FRMPD4: variants seen among roughly 807,000 people sequenced by gnomAD.
FRMPD4 encodes the protein FERM and PDZ domain-containing protein 4.
FRMPD4 carries 22 observed loss-of-function variants against 94.1 expected under a neutral mutation model. The ratio of observed to expected loss-of-function variants is 0.23; its 90% CI spans 0.17 to 0.33. The LOEUF is 0.33. Ranked by LOEUF, FRMPD4 falls within the 10% of genes least tolerant of loss-of-function variation. The probability of loss-of-function intolerance (pLI) is 1.00; values close to 1 mark genes in which losing one functional copy is unlikely to be tolerated. For synonymous variants in FRMPD4, 631 were observed against 548.6 expected, an observed-to-expected ratio of 1.15 and a Z score of -2.10; for missense variants, 1,111 against 1,339.9, an observed-to-expected ratio of 0.83 and a Z score of 2.67.
intron 1 of FRMPD4, among the ~76,000 whole-genome samples, chrX:12,313,383 C>A (rs1425716689): frequency 8.9e-6 from 1 of 112,558 alleles, no homozygotes; most frequent in Non-Finnish European, 1.9e-5. Context: ...CAGATCTAGC[C>A]CACTACCTGT....
intron 2 of FRMPD4, among the ~76,000 whole-genome samples, chrX:12,535,179 T>A (rs1048695989): frequency 1.8e-5 from 2 of 111,961 alleles, no homozygotes; most frequent in African/African-American, 6.5e-5. Flanking sequence ...TCTGCTGCCA[T>A]GTCTCTTGTC....
chrX:11,889,541 C>T (rs1276260084), intron 3 of FRMPD4, among the ~76,000 whole-genome samples: 2 of 112,416 alleles, frequency 1.8e-5, no homozygotes, highest in Non-Finnish European at 3.8e-5. Context: ...AGTGTTGTGG[C>T]TTTAAAAATT....
chrX:11,953,800 G>C (rs1351753369), intron 3 of FRMPD4, among the ~76,000 whole-genome samples: 2 of 111,938 alleles, frequency 1.8e-5, no homozygotes, highest in African/African-American at 6.5e-5. Flanking sequence ...CTATTGGCAG[G>C]CATTTTATCC....
intron 3 of FRMPD4, among the ~76,000 whole-genome samples, chrX:12,064,302 G>A (rs182482688): frequency 8.9e-6 from 1 of 112,207 alleles, no homozygotes; most frequent in African/African-American, 3.2e-5. Context: ...TTTCTTCAAC[G>A]TTCCAGGACA....
At chrX:12,011,727 T>G (rs1323284083) in intron 3 of FRMPD4, among the ~76,000 whole-genome samples, 1 of 111,447 alleles carries the variant, frequency 9.0e-6, no homozygotes, top group South Asian at 3.8e-4. Flanking sequence ...TTTTAGGTGG[T>G]TATGAAGGCA....
intron 3 of FRMPD4, among the ~76,000 whole-genome samples, chrX:11,929,614 G>T (rs1601844107): frequency 8.9e-6 from 1 of 112,533 alleles, no homozygotes; most frequent in Middle Eastern, 4.6e-3. Flanking sequence ...GACTGGTTCA[G>T]TGAGTATTTA....
At chrX:12,024,908 C>T (rs1200370704) in intron 3 of FRMPD4, among the ~76,000 whole-genome samples, 1 of 111,352 alleles carries the variant, frequency 9.0e-6, no homozygotes, top group African/African-American at 3.3e-5. Flanking sequence ...ATGAATATTC[C>T]GCAATTTATT....
At chrX:11,976,428 C>G (rs1484201910) in intron 3 of FRMPD4, among the ~76,000 whole-genome samples, 2 of 112,186 alleles carry the variant, frequency 1.8e-5, no homozygotes, top group African/African-American at 3.2e-5. Context: ...CTGGCATGGT[C>G]TTCCTTTTCA....
chrX:12,604,894 T>C (rs1386483969), intron 2 of FRMPD4, among the ~76,000 whole-genome samples: 1 of 111,827 alleles, frequency 8.9e-6, no homozygotes, highest in Non-Finnish European at 1.9e-5. Flanking sequence ...TAGCTCCCAC[T>C]TATAAGTGAG....
intron 1 of FRMPD4, among the ~76,000 whole-genome samples, chrX:12,407,547 A>C (rs1349412920): frequency 8.9e-6 from 1 of 112,189 alleles, no homozygotes; most frequent in Non-Finnish European, 1.9e-5. Flanking sequence ...TAAGGTACTT[A>C]AGGCAGTAAA....
At chrX:12,506,090 G>A (rs1379516061) in intron 2 of FRMPD4, among the ~76,000 whole-genome samples, 1 of 111,666 alleles carries the variant, frequency 9.0e-6, no homozygotes, top group African/African-American at 3.3e-5. Flanking sequence ...GAGAAACTCA[G>A]AAATGCTTTT....
intron 3 of FRMPD4, among the ~76,000 whole-genome samples, chrX:11,878,600 C>G (rs1208362273): frequency 8.9e-6 from 1 of 112,270 alleles, no homozygotes; most frequent in Non-Finnish European, 1.9e-5. Context: ...CCCTTGAGAA[C>G]CATCATAATT....
intron 3 of FRMPD4, among the ~76,000 whole-genome samples, chrX:12,011,588 C>T (rs1483426838): frequency 3.6e-5 from 4 of 111,600 alleles, no homozygotes; most frequent in Middle Eastern, 4.6e-3. Context: ...GAAGTACTGG[C>T]TTAGACTCCC....
intron 1 of FRMPD4, among the ~76,000 whole-genome samples, chrX:12,336,744 C>T (rs2055530913): frequency 8.9e-6 from 1 of 111,774 alleles, no homozygotes; most frequent in African/African-American, 3.3e-5. Flanking sequence ...TAATCCCATG[C>T]TGAGCCTGAA....
chrX:12,496,003 A>G lies in FRMPD4; in HGVS notation c.42-2677A>G, dbSNP rs754054945. Among the ~76,000 whole-genome samples, 3 of 111,689 alleles carry G rather than the reference A, an allele frequency of 2.7e-5. No individual in the cohort carries two copies. In the South Asian group the frequency reaches 1.1e-3, roughly 42 times the overall value. ...TAAATTCCATAGGGATCTCAAGAAA[A>G]TGCAGATTCTGCATTTCTAACAAAC... On this transcript the variant is annotated intron_variant, in intron 1 of 16. Coordinates refer to ENST00000675598, the MANE Select transcript of FRMPD4 (RefSeq NM_001368397.1).
At chrX:12,340,221 A>C (rs1387703604) in intron 1 of FRMPD4, among the ~76,000 whole-genome samples, 1 of 112,575 alleles carries the variant, frequency 8.9e-6, no homozygotes, top group Non-Finnish European at 1.9e-5. Flanking sequence ...CACTGCATAA[A>C]TGTCAGTTTT....
intron 1 of FRMPD4, among the ~76,000 whole-genome samples, chrX:11,830,372 T>A (rs780173608): frequency 8.9e-6 from 1 of 112,162 alleles, no homozygotes; most frequent in South Asian, 3.7e-4. Flanking sequence ...TACACTGTTA[T>A]ACAAAATTGC....
intron 1 of FRMPD4, among the ~76,000 whole-genome samples, chrX:12,191,636 A>G (rs1323349579): frequency 9.3e-6 from 1 of 107,762 alleles, no homozygotes; most frequent in Non-Finnish European, 2.0e-5. Context: ...AAATAAGCCA[A>G]TGTGAGAAGG....
chrX:11,934,978 G>C (rs1448138721), intron 3 of FRMPD4, among the ~76,000 whole-genome samples: 1 of 110,073 alleles, frequency 9.1e-6, no homozygotes, highest in African/African-American at 3.3e-5. Context: ...ATCTTTTCTT[G>C]TGAATGTTGA....
Sources: gnomAD v4.1 joint callset for allele counts (sites outside exome capture counted in the v4.1 genomes callset) on GRCh38, gnomAD v4.1.1 for gene constraint, MANE v1.5 for transcripts, NCBI Gene and HGNC (gene_info 2026-07-23, HGNC 2026-07-21) for gene names.